HSD17B12: variants seen among roughly 807,000 people sequenced by gnomAD.
The protein encoded by HSD17B12 is hydroxysteroid 17-beta dehydrogenase 12.
Under a neutral mutation model 39.3 loss-of-function variants are expected in HSD17B12, and 32 were observed. That is an observed-to-expected ratio of 0.81 (90% CI 0.61 to 1.09). HSD17B12 has a LOEUF of 1.09. Among genes scored for constraint, HSD17B12 ranks in the 50% least tolerant of loss-of-function variants. HSD17B12 has a pLI of 0.00. For synonymous variants in HSD17B12, 150 were observed against 146.7 expected, an observed-to-expected ratio of 1.02 and a Z score of -0.16; for missense variants, 342 against 382.9, an observed-to-expected ratio of 0.89 and a Z score of 0.89.
chr11:43,732,757 C>T (rs867464238), intron 1 of HSD17B12, among the ~76,000 whole-genome samples: 3 of 152,094 alleles, frequency 2.0e-5, no homozygotes, highest in Non-Finnish European at 2.9e-5. Context: ...AGCCACTGTG[C>T]CCAGTTGAAG....
At chr11:43,733,261 T>C (rs536055998) in intron 1 of HSD17B12, among the ~76,000 whole-genome samples, 1 of 152,328 alleles carries the variant, frequency 6.6e-6, no homozygotes, top group African/African-American at 2.4e-5. Context: ...GTTGTGGCGA[T>C]CAGATTATGA....
the HSD17B12 span, among the ~76,000 whole-genome samples, chr11:43,588,513 C>A: frequency 1.3e-5 from 2 of 152,038 alleles, no homozygotes; most frequent in African/African-American, 4.8e-5. Context: ...AATGATAACA[C>A]CCTTCACCAT....
chr11:43,622,891 A>G, the HSD17B12 span, among the ~76,000 whole-genome samples: 15 of 152,190 alleles, frequency 9.9e-5, no homozygotes, highest in Non-Finnish European at 2.2e-4. Context: ...AAAAAATTTC[A>G]AAAGGCAACC....
rs534547459 is a variant in HSD17B12, at chr11:43,809,857, G to A, written c.392-5580G>A. 2.6e-5 allele frequency among the ~76,000 whole-genome samples: 4 copies of A among 152,186 alleles called. No homozygotes were observed. In the South Asian group the frequency reaches 8.3e-4, roughly 32 times the overall value. ...AAATAAGCAAATAAATAAATAAGATGTCTTTTTATTAACTCTAAGTGCTGG... is the reference window on the plus strand; with the variant it reads ...AAATAAGCAAATAAATAAATAAGATATCTTTTTATTAACTCTAAGTGCTGG... On this transcript the variant is annotated intron_variant, in intron 4 of 10. Transcript: ENST00000278353.
At position 43,724,264 on chromosome 11, in the gene HSD17B12, C is replaced by T. The variant is rs956331123; in HGVS notation, c.161-26647C>T. The stretch of plus-strand genomic sequence containing the variant: ...GTGTGTGTGTGTGTGTGTGTGTTTT[C>T]GTTTATTTACTTGTCTTACCCAACA... On this transcript the variant is annotated intron_variant, in intron 1 of 10. Transcript: ENST00000278353. The T allele has an allele frequency of 5.0e-4, 55 of 109,954 alleles. 1 individual carries two copies. In the South Asian group the frequency reaches 0.012, roughly 24 times the overall value. The allele number at this position is 109,954 out of a possible 1,614,324, so 6.8% of individuals were successfully genotyped here.
At chr11:43,715,142 C>T (rs975889755) in intron 1 of HSD17B12, among the ~76,000 whole-genome samples, 1 of 152,024 alleles carries the variant, frequency 6.6e-6, no homozygotes, top group Non-Finnish European at 1.5e-5. Flanking sequence ...ATTGCCCTCG[C>T]CAGAACTTCC....
At chr11:43,738,779 T>C (rs1018138144) in intron 1 of HSD17B12, among the ~76,000 whole-genome samples, 1 of 152,172 alleles carries the variant, frequency 6.6e-6, no homozygotes, top group Non-Finnish European at 1.5e-5. Context: ...GTGATGAATG[T>C]CATGATGATA....
At chr11:43,711,452 T>G (rs1281765586) in intron 1 of HSD17B12, among the ~76,000 whole-genome samples, 3 of 151,684 alleles carry the variant, frequency 2.0e-5, no homozygotes, top group Non-Finnish European at 4.4e-5. Flanking sequence ...ATGGTGTGTT[T>G]TTTTGTTTGC....
At chr11:43,661,946 A>G in the HSD17B12 span, among the ~76,000 whole-genome samples, 6 of 152,242 alleles carry the variant, frequency 3.9e-5, no homozygotes, top group African/African-American at 1.2e-4. Flanking sequence ...TCTTATTGAT[A>G]AATGAGGGTT....
At position 43,831,006 on chromosome 11, in the gene HSD17B12, G is replaced by C; in HGVS notation, c.532G>C (p.Glu178Gln). The stretch of plus-strand genomic sequence containing the variant: ...ACAATTGGTACTGCCTGGCATGGTG[G>C]AAAGGTGAGTCACAAGCTCACATAC... ...MTQLVLPGMV[E>Q]RSKGAILNIS... Residue 178 changes from glutamate to glutamine, a missense_variant, in exon 7 of 11, where the codon GAA becomes CAA. Physicochemically the swap from Glu to Gln is conservative, Grantham distance 29. Coordinates refer to ENST00000278353, the MANE Select transcript of HSD17B12 (RefSeq NM_016142.3). This position sits in a 1 kb window ranked among gnomAD's most constrained non-coding sequence, Gnocchi z 4.1. The C allele has an allele frequency of 6.2e-7, 1 of 1,606,790 alleles. No individual in the cohort carries two copies.
chr11:43,637,385 T>C, the HSD17B12 span, among the ~76,000 whole-genome samples: 1 of 152,080 alleles, frequency 6.6e-6, no homozygotes, highest in Non-Finnish European at 1.5e-5. Context: ...CATGCCCAGC[T>C]AATTTTTGTA....
intron 1 of HSD17B12, among the ~76,000 whole-genome samples, chr11:43,701,746 T>C (rs1038505883): frequency 2.6e-5 from 4 of 152,208 alleles, no homozygotes; most frequent in Non-Finnish European, 4.4e-5. Flanking sequence ...GTAGTATAAT[T>C]TGATGTCAGG....
the HSD17B12 span, among the ~76,000 whole-genome samples, chr11:43,571,132 T>C: frequency 2.0e-4 from 31 of 152,342 alleles, no homozygotes; most frequent in Admixed American, 3.9e-4. Flanking sequence ...AGTGAATGAA[T>C]AAAAAGTTCT....
chr11:43,853,288 G>A (rs1951549533), intron 9 of HSD17B12: 1 of 136,474 alleles, frequency 7.3e-6, no homozygotes, highest in Admixed American at 8.3e-5. Flanking sequence ...GGTGAGCAGA[G>A]ATCGCGCCAC....
rs530430210 is a variant in HSD17B12 at position 43,776,927 on chromosome 11, G to A, written c.284-21393G>A. 2.2e-3 allele frequency among the ~76,000 whole-genome samples: 332 copies of A among 152,092 alleles called. 1 individual carries two copies. The highest frequency in any genetic ancestry group is 7.5e-3 in the African/African-American group (312 of 41,486). On this transcript the variant is annotated intron_variant, in intron 3 of 10. Coordinates refer to ENST00000278353, the MANE Select transcript of HSD17B12 (RefSeq NM_016142.3). ...GATCAGATAGTTGTAGATATGCGGC[G>A]TTATTTCTGAGGGCTCTGTTCTGTT...
the HSD17B12 span, among the ~76,000 whole-genome samples, chr11:43,626,293 G>C: frequency 1.3e-5 from 2 of 151,686 alleles, no homozygotes; most frequent in Non-Finnish European, 3.0e-5. Flanking sequence ...AAAGCAGAAT[G>C]ACAAATTTGC....
At chr11:43,729,969 A>T (rs1226622011) in intron 1 of HSD17B12, among the ~76,000 whole-genome samples, 1 of 152,004 alleles carries the variant, frequency 6.6e-6, no homozygotes, top group Non-Finnish European at 1.5e-5. Context: ...GTTGAAGATG[A>T]GCTAGCTGTA....
At chr11:43,796,393 A>G (rs559928723) in intron 3 of HSD17B12, among the ~76,000 whole-genome samples, 59 of 152,276 alleles carry the variant, frequency 3.9e-4, no homozygotes, top group African/African-American at 1.3e-3. Context: ...GGCAGTGAAG[A>G]AAAGTTGTTT....
chr11:43,821,689 G>A (rs1345667921), intron 6 of HSD17B12, among the ~76,000 whole-genome samples: 2 of 152,190 alleles, frequency 1.3e-5, no homozygotes, highest in South Asian at 2.1e-4. Flanking sequence ...TGGGAGAAGT[G>A]CCGCGTCTCC....
Sources: allele counts gnomAD v4.1 joint callset (sites outside exome capture counted in the v4.1 genomes callset), GRCh38; gene constraint gnomAD v4.1.1; non-coding constraint Gnocchi (gnomAD v3.1); transcripts MANE v1.5; gene names NCBI Gene and HGNC (gene_info 2026-07-23, HGNC 2026-07-21).